Variants in CD82 observed in about 807,000 individuals in gnomAD.
The protein encoded by CD82 is CD82 molecule.
A neutral mutation model predicts 37.4 loss-of-function variants in CD82; 36 were observed. The observed-to-expected ratio is 0.96, with a 90% CI of 0.74 to 1.27. The LOEUF (loss-of-function observed/expected upper bound fraction) is 1.27, where lower values mean the gene tolerates loss of function less well. Ranked by LOEUF, CD82 falls within the 50% of genes most tolerant of loss-of-function variation. CD82 has a pLI of 0.00. For missense variants in CD82, 340 were observed against 347.0 expected, an observed-to-expected ratio of 0.98 and a Z score of 0.16; for synonymous variants, 158 against 137.4, an observed-to-expected ratio of 1.15 and a Z score of -1.05.
intron 6 of CD82, among the ~76,000 whole-genome samples, chr11:44,614,701 C>T (rs1470947088): frequency 1.3e-5 from 2 of 152,010 alleles, no homozygotes; most frequent in Non-Finnish European, 2.9e-5. Context: ...TGGGGAAGGG[C>T]TGATATTTTG....
intron 1 of CD82, among the ~76,000 whole-genome samples, chr11:44,581,254 G>C (rs1181626569): frequency 6.6e-6 from 1 of 152,114 alleles, no homozygotes; most frequent in Admixed American, 6.5e-5. Flanking sequence ...GCTCTGGGAG[G>C]GTCAGATGTT....
At chr11:44,586,053 C>A (rs1180920417) in intron 1 of CD82, among the ~76,000 whole-genome samples, 4 of 152,156 alleles carry the variant, frequency 2.6e-5, no homozygotes, top group Non-Finnish European at 5.9e-5. Flanking sequence ...CCTGCCTGCA[C>A]CCCACTGAGG....
At chr11:44,570,798 A>G (rs1320305144) in intron 1 of CD82, among the ~76,000 whole-genome samples, 1 of 152,136 alleles carries the variant, frequency 6.6e-6, no homozygotes, top group Non-Finnish European at 1.5e-5. Flanking sequence ...CCTTTAGTGA[A>G]CTCTGACTCA....
intron 4 of CD82, among the ~76,000 whole-genome samples, chr11:44,600,761 C>T (rs1424230372): frequency 2.0e-5 from 3 of 152,156 alleles, no homozygotes; most frequent in Admixed American, 6.5e-5. Context: ...CAGTTTGCAC[C>T]GATAAACTGT....
intron 2 of CD82, among the ~76,000 whole-genome samples, chr11:44,592,668 G>A (rs771693336): frequency 2.6e-5 from 4 of 152,166 alleles, no homozygotes; most frequent in Non-Finnish European, 5.9e-5. Context: ...AGGCCAGGAC[G>A]GGGTTTGGGC....
chr11:44,580,956 G>T (rs1489053058), intron 1 of CD82, among the ~76,000 whole-genome samples: 1 of 152,130 alleles, frequency 6.6e-6, no homozygotes, highest in Non-Finnish European at 1.5e-5. Flanking sequence ...TTTGCCTGTT[G>T]CCATGTGGGG....
At chr11:44,567,549 CT>C (rs1431273519) in intron 1 of CD82, among the ~76,000 whole-genome samples, 1 of 152,074 alleles carries the variant, frequency 6.6e-6, no homozygotes, top group Non-Finnish European at 1.5e-5. Context: ...GGACCACAGT[CT>C]CTTCAAGCAC....
intron 1 of CD82, among the ~76,000 whole-genome samples, chr11:44,578,284 A>C (rs1162197766): frequency 6.6e-6 from 1 of 152,168 alleles, no homozygotes; most frequent in Non-Finnish European, 1.5e-5. Context: ...GGAAGGAGGC[A>C]GCCTCTCTCT....
chr11:44,566,488 G>A (rs1007809836), intron 1 of CD82, among the ~76,000 whole-genome samples: 7 of 152,144 alleles, frequency 4.6e-5, no homozygotes, highest in Admixed American at 2.0e-4. Flanking sequence ...CTTGGCTGAC[G>A]GGTTCTGTTC....
At chr11:44,585,570 G>A (rs1434413409) in intron 1 of CD82, among the ~76,000 whole-genome samples, 1 of 152,222 alleles carries the variant, frequency 6.6e-6, no homozygotes, top group Non-Finnish European at 1.5e-5. Flanking sequence ...CGGTAGGTGG[G>A]CGGGGTTGGC....
chr11:44,596,341 C>T (rs1483442511), intron 3 of CD82, among the ~76,000 whole-genome samples: 1 of 152,248 alleles, frequency 6.6e-6, no homozygotes, highest in Admixed American at 6.5e-5. Flanking sequence ...GGAAGGGGTG[C>T]GTGGGCACTG....
intron 2 of CD82, among the ~76,000 whole-genome samples, chr11:44,589,630 T>A (rs1853110314): frequency 6.6e-6 from 1 of 152,200 alleles, no homozygotes; most frequent in South Asian, 2.1e-4. Context: ...GGGAGTCCAG[T>A]TGGGAGTTCC....
intron 2 of CD82, 108 bp from the exon 3 acceptor site, chr11:44,594,535 C>A: frequency 1.4e-6 from 1 of 729,094 alleles, no homozygotes; most frequent in Non-Finnish European, 2.5e-6. Context: ...CTCTCTGGGC[C>A]TCTGCATCCT....
At chr11:44,566,679 A>G (rs191715104) in intron 1 of CD82, among the ~76,000 whole-genome samples, 3 of 152,354 alleles carry the variant, frequency 2.0e-5, no homozygotes, top group Admixed American at 2.0e-4. Flanking sequence ...ACTAAATAGA[A>G]TAATGTGTAT....
chr11:44,604,974 G>A (rs553907799), intron 4 of CD82, 84 bp from the exon 5 acceptor site: 93 of 1,595,914 alleles, frequency 5.8e-5, no homozygotes, highest in Non-Finnish European at 6.6e-5. Flanking sequence ...CTCCAAAGAG[G>A]GGATCCGGAA....
At chr11:44,618,805 G>A in intron 9 of CD82, 82 bp downstream of exon 9, 2 of 1,226,072 alleles carry the variant, frequency 1.6e-6, no homozygotes, top group Admixed American at 4.0e-5. Flanking sequence ...TGGGGAGGTG[G>A]TGGCCAAGGG....
chr11:44,589,456 G>C (rs1350096113), intron 2 of CD82, among the ~76,000 whole-genome samples: 3 of 152,254 alleles, frequency 2.0e-5, no homozygotes, highest in Admixed American at 6.5e-5. Flanking sequence ...CATAACATTG[G>C]AGGACATTCT....
At chr11:44,605,646 G>T (rs1398232586) in intron 6 of CD82, among the ~76,000 whole-genome samples, 3 of 152,178 alleles carry the variant, frequency 2.0e-5, no homozygotes, top group African/African-American at 7.2e-5. Flanking sequence ...CTGGATCTTA[G>T]CCTGACCCCC....
intron 2 of CD82, among the ~76,000 whole-genome samples, chr11:44,593,745 T>C (rs1239713928): frequency 6.6e-6 from 1 of 152,198 alleles, no homozygotes; most frequent in East Asian, 1.9e-4. Context: ...GGTTCCTGAA[T>C]GGGTTTCAGA....
Sources: allele counts gnomAD v4.1 joint callset (sites outside exome capture counted in the v4.1 genomes callset), GRCh38; gene constraint gnomAD v4.1.1; transcripts MANE v1.5; gene names NCBI Gene and HGNC (gene_info 2026-07-23, HGNC 2026-07-21).